The following HS6ST3 variants were observed in gnomAD, a reference collection of about 807,000 sequenced individuals.
HS6ST3 encodes the protein heparan sulfate 6-O-sulfotransferase 3.
Under a neutral mutation model 36.7 loss-of-function variants are expected in HS6ST3, and 12 were observed. The observed-to-expected ratio is 0.33, with a 90% confidence interval of 0.21 to 0.53. The LOEUF (loss-of-function observed/expected upper bound fraction) is 0.53. Ranked by LOEUF, HS6ST3 falls within the 20% of genes least tolerant of loss-of-function variation. The pLI is 0.95. For synonymous variants in HS6ST3, 240 were observed against 257.5 expected, an observed-to-expected ratio of 0.93 and a Z score of 0.65; for missense variants, 584 against 640.9, an observed-to-expected ratio of 0.91 and a Z score of 0.96.
chr13:96,377,739 T>C lies in HS6ST3; in HGVS notation c.707+286170T>C, dbSNP rs539672881. Reference sequence around the variant, plus strand: ...TGAGGCAAAACAATGTAAGCATTGTTGTCAAAAGAGCAAGAAAATTAAATG... The same window carrying C: ...TGAGGCAAAACAATGTAAGCATTGTCGTCAAAAGAGCAAGAAAATTAAATG... On this transcript the variant is annotated intron_variant, in intron 1 of 1. Transcript: ENST00000376705. 1.4e-4 allele frequency among the ~76,000 whole-genome samples: 21 copies of C among 152,262 alleles called. No individual in the cohort carries two copies. In the East Asian group the frequency reaches 4.1e-3, roughly 29 times the overall value.
At position 96,570,781 on chromosome 13, in the gene HS6ST3, A is replaced by G. The variant is rs145259132; in HGVS notation, c.708-261709A>G. ...TGACTCTGCCCATGAGGAATGTATA[A>G]TCTAATGCGTGAACTAGCTAGTCAA... On this transcript the variant is annotated intron_variant, in intron 1 of 1. Transcript: ENST00000376705. Among the ~76,000 whole-genome samples the G allele has an allele frequency of 2.6e-3, 398 of 152,360 alleles. 1 individual carries two copies. Among genetic ancestry groups the G allele is most frequent in the African/African-American group, 9.1e-3 (378 of 41,592 alleles).
At chr13:96,752,645 A>G (rs1264558034) in intron 1 of HS6ST3, among the ~76,000 whole-genome samples, 2 of 151,824 alleles carry the variant, frequency 1.3e-5, no homozygotes, top group Admixed American at 6.6e-5. Flanking sequence ...TTTCTACACA[A>G]TCATTTGTCT....
At chr13:96,697,887 A>G (rs1875173990) in intron 1 of HS6ST3, among the ~76,000 whole-genome samples, 1 of 152,160 alleles carries the variant, frequency 6.6e-6, no homozygotes, top group African/African-American at 2.4e-5. Context: ...CTTTAAACTA[A>G]AAGTATAAGG....
chr13:96,104,242 TA>T (rs1343770274), intron 1 of HS6ST3, among the ~76,000 whole-genome samples: 2 of 152,190 alleles, frequency 1.3e-5, no homozygotes, highest in Admixed American at 1.3e-4. Context: ...TTCCAGAATC[TA>T]AAGTTTGCAT....
chr13:96,219,138 C>A (rs1408491475), intron 1 of HS6ST3, among the ~76,000 whole-genome samples: 1 of 152,066 alleles, frequency 6.6e-6, no homozygotes, highest in East Asian at 1.9e-4. Flanking sequence ...GCCACACTAA[C>A]TCCACTAGCT....
At chr13:96,166,000 A>G (rs570184551) in intron 1 of HS6ST3, among the ~76,000 whole-genome samples, 4 of 151,802 alleles carry the variant, frequency 2.6e-5, no homozygotes, top group Non-Finnish European at 5.9e-5. Context: ...TGCTGAAACA[A>G]AGGATGGAAG....
chr13:96,239,255 A>G (rs1210628433), intron 1 of HS6ST3, among the ~76,000 whole-genome samples: 1 of 152,212 alleles, frequency 6.6e-6, no homozygotes, highest in South Asian at 2.1e-4. Context: ...AATGTGTACC[A>G]CGGAAATAGT....
At chr13:96,830,940 G>C (rs1271795772) in intron 1 of HS6ST3, among the ~76,000 whole-genome samples, 1 of 152,200 alleles carries the variant, frequency 6.6e-6, no homozygotes, top group Non-Finnish European at 1.5e-5. Context: ...AGAGTTGGAA[G>C]ACAGCTTGCG....
At chr13:96,592,992 G>A (rs1278015046) in intron 1 of HS6ST3, among the ~76,000 whole-genome samples, 4 of 151,848 alleles carry the variant, frequency 2.6e-5, no homozygotes, top group Non-Finnish European at 4.4e-5. Flanking sequence ...GGGTTGGGAA[G>A]TTCTCTGTTA....
chr13:96,573,482 C>G lies in HS6ST3; in HGVS notation c.708-259008C>G, dbSNP rs932345298. 2.0e-5 allele frequency among the ~76,000 whole-genome samples: 3 copies of G among 152,158 alleles called. No homozygotes were observed. In the East Asian group the frequency reaches 5.8e-4, roughly 29 times the overall value. On this transcript the variant is annotated intron_variant, in intron 1 of 1. Transcript: ENST00000376705. ...AGCATCTGGGCCAAGAGAAAAGATA[C>G]AGGAAGAAGGAATGGAATTGGAAGG...
intron 1 of HS6ST3, among the ~76,000 whole-genome samples, chr13:96,661,374 T>G (rs2056645789): frequency 6.6e-6 from 1 of 152,148 alleles, no homozygotes; most frequent in Non-Finnish European, 1.5e-5. Context: ...AATTGAATCC[T>G]TTATTGTCTT....
At chr13:96,440,743 C>G (rs1410131320) in intron 1 of HS6ST3, among the ~76,000 whole-genome samples, 1 of 152,050 alleles carries the variant, frequency 6.6e-6, no homozygotes, top group Non-Finnish European at 1.5e-5. Context: ...GCAGAGACTA[C>G]AGTGGTTTGA....
intron 1 of HS6ST3, among the ~76,000 whole-genome samples, chr13:96,602,194 T>TTTG (rs139299928): frequency 1.4e-3 from 216 of 152,134 alleles, no homozygotes; most frequent in African/African-American, 3.5e-3. Flanking sequence ...AATCTGTATC[T>TTTG]TTGTTGTTGT....
At chr13:96,309,432 T>C (rs77610951) in intron 1 of HS6ST3, among the ~76,000 whole-genome samples, 3,825 of 152,284 alleles carry the variant, frequency 0.025, 163 homozygotes, top group African/African-American at 0.088. Flanking sequence ...ATTTGAAATA[T>C]TTAATTGAAT....
At chr13:96,617,454 T>C (rs924400488) in intron 1 of HS6ST3, among the ~76,000 whole-genome samples, 1 of 152,218 alleles carries the variant, frequency 6.6e-6, no homozygotes, top group African/African-American at 2.4e-5. Context: ...CATGGTTGAA[T>C]TGCATTTTAA....
At chr13:96,330,889 T>G (rs2139420484) in intron 1 of HS6ST3, among the ~76,000 whole-genome samples, 1 of 150,586 alleles carries the variant, frequency 6.6e-6, no homozygotes, top group South Asian at 2.1e-4. Context: ...TTTCTTTTTA[T>G]TCTTTTTTCT....
intron 1 of HS6ST3, among the ~76,000 whole-genome samples, chr13:96,352,583 T>A (rs925565650): frequency 6.6e-6 from 1 of 152,182 alleles, no homozygotes; most frequent in Non-Finnish European, 1.5e-5. Flanking sequence ...TCCTGTTGGT[T>A]ACACAGGCCA....
At chr13:96,377,704 A>T (rs998217878) in intron 1 of HS6ST3, among the ~76,000 whole-genome samples, 12 of 152,200 alleles carry the variant, frequency 7.9e-5, no homozygotes, top group African/African-American at 2.4e-4. Context: ...TTTCCATTTG[A>T]CGTGGCCCTT....
intron 1 of HS6ST3, among the ~76,000 whole-genome samples, chr13:96,764,994 T>G (rs1877062927): frequency 6.6e-6 from 1 of 152,144 alleles, no homozygotes; most frequent in African/African-American, 2.4e-5. Context: ...CTATTGAAAT[T>G]GAAATGGAAA....
Sources: gnomAD v4.1 joint callset for allele counts (sites outside exome capture counted in the v4.1 genomes callset) on GRCh38, gnomAD v4.1.1 for gene constraint, MANE v1.5 for transcripts, NCBI Gene and HGNC (gene_info 2026-07-23, HGNC 2026-07-21) for gene names.